Variants in KCND2 observed in about 807,000 individuals in gnomAD.
KCND2 encodes A-type voltage-gated potassium channel KCND2.
KCND2 carries 16 observed loss-of-function variants against 54.4 expected under a neutral mutation model. The ratio of observed to expected loss-of-function variants is 0.29; its 90% CI spans 0.20 to 0.45. The LOEUF (loss-of-function observed/expected upper bound fraction) is 0.45, where lower values mean the gene tolerates loss of function less well. Ranked by LOEUF, KCND2 falls within the 20% of genes least tolerant of loss-of-function variation. The pLI, the probability that KCND2 is intolerant of heterozygous loss-of-function variation, is 1.00. For synonymous variants in KCND2, 317 were observed against 310.7 expected, an observed-to-expected ratio of 1.02 and a Z score of -0.21; for missense variants, 486 against 824.2, an observed-to-expected ratio of 0.59 and a Z score of 5.02.
At chr7:120,521,437 G>T (rs1453588022) in intron 1 of KCND2, among the ~76,000 whole-genome samples, 1 of 151,850 alleles carries the variant, frequency 6.6e-6, no homozygotes, top group African/African-American at 2.4e-5. Flanking sequence ...CAAATTTTAT[G>T]GGATATTTTA....
intron 1 of KCND2, among the ~76,000 whole-genome samples, chr7:120,727,534 T>A (rs1281048071): frequency 1.3e-5 from 2 of 152,162 alleles, no homozygotes; most frequent in Admixed American, 6.5e-5. Context: ...TTGAGACAAA[T>A]CTTTAATAGC....
intron 1 of KCND2, among the ~76,000 whole-genome samples, chr7:120,631,432 G>C (rs1209824579): frequency 6.6e-6 from 1 of 152,112 alleles, no homozygotes; most frequent in African/African-American, 2.4e-5. Context: ...CTTTGTGAAG[G>C]CTTAAGATAA....
intron 1 of KCND2, among the ~76,000 whole-genome samples, chr7:120,687,739 TA>T (rs1253512874): frequency 7.4e-4 from 112 of 152,266 alleles, no homozygotes; most frequent in African/African-American, 2.6e-3. Flanking sequence ...TACATTTTTT[TA>T]AAATGATAAA....
chr7:120,597,751 A>T (rs568987595), intron 1 of KCND2, among the ~76,000 whole-genome samples: 2 of 152,256 alleles, frequency 1.3e-5, no homozygotes, highest in East Asian at 3.9e-4. Flanking sequence ...CCCCAAATCC[A>T]CTATTCTCTT....
intron 1 of KCND2, among the ~76,000 whole-genome samples, chr7:120,585,012 GGGT>G: frequency 6.6e-6 from 1 of 152,120 alleles, no homozygotes; most frequent in African/African-American, 2.4e-5. Flanking sequence ...TCTCTCTTTG[GGGT>G]GGTGGCATAT....
chr7:120,703,023 A>G (rs1335167845), intron 1 of KCND2, among the ~76,000 whole-genome samples: 1 of 152,184 alleles, frequency 6.6e-6, no homozygotes, highest in Non-Finnish European at 1.5e-5. Flanking sequence ...GAATTTCAAT[A>G]TGTTACTGGA....
chr7:120,383,593 A>C (rs1226400265), intron 1 of KCND2, among the ~76,000 whole-genome samples: 1 of 152,048 alleles, frequency 6.6e-6, no homozygotes, highest in Non-Finnish European at 1.5e-5. Flanking sequence ...AGAGGTCTTA[A>C]CTTTAGTGAA....
intron 2 of KCND2, among the ~76,000 whole-genome samples, chr7:120,739,428 G>C (rs953744325): frequency 7.9e-5 from 12 of 151,904 alleles, no homozygotes. Context: ...ACTGAGTCTG[G>C]TCTGAAATCC....
At chr7:120,744,842 A>G (rs1264086087) in intron 4 of KCND2, among the ~76,000 whole-genome samples, 1 of 152,188 alleles carries the variant, frequency 6.6e-6, no homozygotes, top group Non-Finnish European at 1.5e-5. Flanking sequence ...AAAACAAAAT[A>G]GTAATTGAGG....
intron 1 of KCND2, among the ~76,000 whole-genome samples, chr7:120,373,594 C>CCA (rs1299947826): frequency 1.3e-5 from 2 of 151,798 alleles, no homozygotes; most frequent in African/African-American, 2.4e-5. Context: ...AGAGCTATCT[C>CCA]CACACTGGGA....
chr7:120,692,099 A>G (rs998126127), intron 1 of KCND2, among the ~76,000 whole-genome samples: 5 of 152,226 alleles, frequency 3.3e-5, no homozygotes, highest in African/African-American at 1.2e-4. Context: ...AAGGAGATGC[A>G]TCAGCAATGA....
chr7:120,275,757 A>G lies in KCND2; in HGVS notation c.1115+10A>G, dbSNP rs781196965. The G allele has an allele frequency of 1.4e-5, 22 of 1,599,880 alleles. No individual in the cohort carries two copies. The highest frequency in any genetic ancestry group is 1.5e-5 in the Non-Finnish European group (18 of 1,179,928). ...CCATGACAACACTAGGGTAGGTGCC[A>G]TAATGGGAAATGGGATGGAGGTTGG... is the stretch of plus-strand genomic sequence containing the variant. On this transcript the variant is annotated intron_variant, in intron 1 of 5. Transcript: ENST00000331113.
intron 1 of KCND2, among the ~76,000 whole-genome samples, chr7:120,493,372 G>A (rs1802810443): frequency 6.6e-6 from 1 of 151,860 alleles, no homozygotes; most frequent in Non-Finnish European, 1.5e-5. Flanking sequence ...GCAAAATATA[G>A]AGCTGTATAA....
intron 1 of KCND2, among the ~76,000 whole-genome samples, chr7:120,362,552 A>T (rs779833310): frequency 1.1e-4 from 16 of 152,050 alleles, no homozygotes; most frequent in Admixed American, 5.9e-4. Flanking sequence ...TGTATGAATT[A>T]TAGCAAAAGC....
intron 1 of KCND2, among the ~76,000 whole-genome samples, chr7:120,649,931 T>G (rs566039645): frequency 2.0e-5 from 3 of 152,328 alleles, no homozygotes; most frequent in Non-Finnish European, 4.4e-5. Flanking sequence ...TTTAAGAATG[T>G]TGAATATTGG....
chr7:120,588,199 G>A (rs1405301515), intron 1 of KCND2, among the ~76,000 whole-genome samples: 2 of 152,102 alleles, frequency 1.3e-5, no homozygotes, highest in Non-Finnish European at 2.9e-5. Context: ...AATAAAGTGA[G>A]GAATTAGTGG....
intron 1 of KCND2, among the ~76,000 whole-genome samples, chr7:120,529,879 C>A (rs1791822001): frequency 6.6e-6 from 1 of 152,010 alleles, no homozygotes; most frequent in South Asian, 2.1e-4. Context: ...GCGCGGAGCT[C>A]AAGACCACAC....
chr7:120,656,535 C>G (rs1302814200), intron 1 of KCND2, among the ~76,000 whole-genome samples: 2 of 152,066 alleles, frequency 1.3e-5, no homozygotes, highest in African/African-American at 4.8e-5. Context: ...GATTCATATC[C>G]AAGTGTATCT....
chr7:120,686,381 T>C (rs539132719), intron 1 of KCND2, among the ~76,000 whole-genome samples: 4 of 152,094 alleles, frequency 2.6e-5, no homozygotes, highest in Non-Finnish European at 5.9e-5. Flanking sequence ...CACGAACATA[T>C]AATGGAATAT....
Sources: gnomAD v4.1 joint callset for allele counts (sites outside exome capture counted in the v4.1 genomes callset) on GRCh38, gnomAD v4.1.1 for gene constraint, MANE v1.5 for transcripts, NCBI Gene and HGNC (gene_info 2026-07-23, HGNC 2026-07-21) for gene names.